The following RPH3AL variants were observed in gnomAD, a reference collection of about 807,000 sequenced individuals.
RPH3AL encodes rab effector Noc2.
A neutral mutation model predicts 43.1 loss-of-function variants in RPH3AL; 38 were observed. That is an observed-to-expected ratio of 0.88 (90% CI 0.68 to 1.15). RPH3AL has a LOEUF of 1.15. Ranked by LOEUF, RPH3AL falls within the 50% of genes most tolerant of loss-of-function variation. RPH3AL has a pLI of 0.00. For synonymous variants in RPH3AL, 189 were observed against 176.3 expected, an observed-to-expected ratio of 1.07 and a Z score of -0.57; for missense variants, 462 against 423.2, an observed-to-expected ratio of 1.09 and a Z score of -0.81.
At chr17:319,362 G>C (rs779012576) in intron 5 of RPH3AL, 58 bp downstream of exon 5, 70 of 1,581,874 alleles carry the variant, frequency 4.4e-5, no homozygotes, top group Non-Finnish European at 5.7e-5. Flanking sequence ...AAGCCACAGC[G>C]CAGCGGGGCT....
intron 8 of RPH3AL, among the ~76,000 whole-genome samples, chr17:219,150 A>G (rs1037069220): frequency 6.6e-6 from 1 of 150,402 alleles, no homozygotes; most frequent in Non-Finnish European, 1.5e-5. Context: ...ACTGGGAAGC[A>G]GCAAAACCAC....
At chr17:291,005 C>T (rs530564382) in intron 5 of RPH3AL, among the ~76,000 whole-genome samples, 16 of 152,226 alleles carry the variant, frequency 1.1e-4, no homozygotes, top group Non-Finnish European at 2.1e-4. Flanking sequence ...TGTTCATGAG[C>T]CTCACTCGAC....
At chr17:320,314 A>G (rs1259891162) in intron 4 of RPH3AL, among the ~76,000 whole-genome samples, 1 of 151,956 alleles carries the variant, frequency 6.6e-6, no homozygotes, top group African/African-American at 2.4e-5. Context: ...CTGAAGAATG[A>G]GCCATGCCAT....
At chr17:222,413 C>T (rs1372547897) in intron 7 of RPH3AL, among the ~76,000 whole-genome samples, 1 of 152,216 alleles carries the variant, frequency 6.6e-6, no homozygotes. Context: ...CAGTAACGCA[C>T]AGTGCAGTCT....
In RPH3AL at chr17:322,324, C is replaced by T. The variant is rs1351970554; in HGVS notation, c.78-909G>A. The T allele has an allele frequency of 6.6e-6, 1 of 152,290 alleles. No homozygotes were observed. The highest frequency in any genetic ancestry group is 1.5e-5 in the Non-Finnish European group (1 of 68,130). The allele number at this position is 152,290 out of a possible 1,614,324, so 9.4% of individuals were successfully genotyped here. On this transcript the variant is annotated intron_variant, in intron 3 of 9. Transcript: ENST00000331302. The surrounding 1 kb of genome is among the most constrained non-coding windows in gnomAD (Gnocchi z 4.0). ...CTGCCCTGGGTGGGTGCCAGCTTCC[C>T]TGAGACATTCCGTGCCTGTGACATT...
Position 283,581 on chromosome 17 carries a change from C to T in RPH3AL, c.352-1727G>A, listed in dbSNP as rs1400972329. ...GTCCTAGGCTTGGGGTGTTTGATGG[C>T]CCAGATCTGCAGAGGGTCCCCTGAG... On this transcript the variant is annotated intron_variant, in intron 5 of 9. Transcript: ENST00000331302. The surrounding 1 kb of genome is among the most constrained non-coding windows in gnomAD (Gnocchi z 4.2). 1.3e-5 allele frequency among the ~76,000 whole-genome samples: 2 copies of T among 152,120 alleles called. No individual in the cohort carries two copies. Among genetic ancestry groups the T allele is most frequent in the Non-Finnish European group, 2.9e-5 (2 of 68,018 alleles).
chr17:222,062 A>T (rs144222848), intron 7 of RPH3AL, among the ~76,000 whole-genome samples: 8,061 of 151,900 alleles, frequency 0.053, 289 homozygotes, highest in Middle Eastern at 0.089. Flanking sequence ...CTGAGACAAT[A>T]GGCCCAAGAA....
intron 5 of RPH3AL, among the ~76,000 whole-genome samples, chr17:306,207 C>T (rs971017450): frequency 6.6e-6 from 1 of 151,872 alleles, no homozygotes; most frequent in African/African-American, 2.4e-5. Context: ...GCCTGGACTA[C>T]CTGGAACACA....
chr17:288,943 G>A (rs1172661526), intron 5 of RPH3AL, among the ~76,000 whole-genome samples: 1 of 146,884 alleles, frequency 6.8e-6, no homozygotes, highest in Non-Finnish European at 1.5e-5. Context: ...GTCAGACCTC[G>A]CACCCTCTCT....
At chr17:341,484 C>T (rs910289025) in intron 1 of RPH3AL, 1 of 152,198 alleles carries the variant, frequency 6.6e-6, no homozygotes, top group African/African-American at 2.4e-5. Flanking sequence ...CCTGACATCA[C>T]ACCATTGCAA....
Position 322,775 on chromosome 17 carries a change from C to T in RPH3AL, c.78-1360G>A, listed in dbSNP as rs535453663. Among the ~76,000 whole-genome samples the T allele has an allele frequency of 3.3e-5, 5 of 152,134 alleles. No individual in the cohort carries two copies. The highest frequency in any genetic ancestry group is 2.1e-4 in the South Asian group (1 of 4,794). ...GCCTGGTCCCGGCTGTTGCAGCTAA[C>T]GGTTCTCTGTGGCCGACACAATAGG... On this transcript the variant is annotated intron_variant, in intron 3 of 9. Transcript: ENST00000331302. The surrounding 1 kb of genome is among the most constrained non-coding windows in gnomAD (Gnocchi z 4.0).
At chr17:232,315 G>A (rs988521095) in intron 7 of RPH3AL, among the ~76,000 whole-genome samples, 4 of 152,192 alleles carry the variant, frequency 2.6e-5, no homozygotes, top group African/African-American at 7.2e-5. Context: ...GGGATGACAC[G>A]AAATAACGGA....
At position 264,556 on chromosome 17, in the gene RPH3AL, C is replaced by T. The variant is rs1007913874; in HGVS notation, c.438+17212G>A. On this transcript the variant is annotated intron_variant, in intron 6 of 9. Coordinates refer to ENST00000331302, the MANE Select transcript of RPH3AL (RefSeq NM_006987.4). The surrounding 1 kb of genome is among the most constrained non-coding windows in gnomAD (Gnocchi z 4.8). ...GCGCGCTGGATGGGGACTCAGAATC[C>T]GCACCGTGTGTGTGACCACTGCATG... 8.6e-5 allele frequency among the ~76,000 whole-genome samples: 13 copies of T among 151,984 alleles called. No homozygotes were observed. Among genetic ancestry groups the T allele is most frequent in the African/African-American group, 1.2e-4 (5 of 41,286 alleles).
chr17:266,645 G>A (rs1400045743), intron 6 of RPH3AL, among the ~76,000 whole-genome samples: 2 of 151,818 alleles, frequency 1.3e-5, no homozygotes, highest in Non-Finnish European at 2.9e-5. Context: ...TTCCAAGTGG[G>A]TTTTTGAGCA....
chr17:322,103 C>T lies in RPH3AL; in HGVS notation c.78-688G>A, dbSNP rs1466681102. On this transcript the variant is annotated intron_variant, in intron 3 of 9. Coordinates refer to ENST00000331302, the MANE Select transcript of RPH3AL (RefSeq NM_006987.4). This position sits in a 1 kb window ranked among gnomAD's most constrained non-coding sequence, Gnocchi z 4.0. ...GGGAAGCGAGTTACAGAAGAGGAGC[C>T]GTGGTGAGGGCAGGTGAGGGCGGGC... 2.6e-5 allele frequency among the ~76,000 whole-genome samples: 4 copies of T among 152,010 alleles called. No homozygotes were observed. Among genetic ancestry groups the T allele is most frequent in the Non-Finnish European group, 5.9e-5 (4 of 68,004 alleles).
intron 7 of RPH3AL, among the ~76,000 whole-genome samples, chr17:228,235 C>A (rs1255886107): frequency 6.6e-6 from 1 of 152,164 alleles, no homozygotes; most frequent in African/African-American, 2.4e-5. Flanking sequence ...GTAAAGACAT[C>A]ATCTCCCTAT....
intron 1 of RPH3AL, among the ~76,000 whole-genome samples, chr17:343,248 G>A (rs546167231): frequency 1.3e-5 from 2 of 152,284 alleles, no homozygotes; most frequent in African/African-American, 4.8e-5. Context: ...CTTCCCTATC[G>A]TGGCACAGGA....
Position 240,639 on chromosome 17 carries a change from G to A in RPH3AL, c.613+6472C>T, listed in dbSNP as rs547489726. On this transcript the variant is annotated intron_variant, in intron 7 of 9. Coordinates refer to ENST00000331302, the MANE Select transcript of RPH3AL (RefSeq NM_006987.4). ...GCGTGGATCAGCACTTTCTTCCTAT[G>A]ACTGAATAACGTTCCACTGTGTGAT... 4.6e-5 allele frequency among the ~76,000 whole-genome samples: 7 copies of A among 152,296 alleles called. 1 individual carries two copies. Among genetic ancestry groups the A allele is most frequent in the Non-Finnish European group, 4.4e-5 (3 of 68,032 alleles).
intron 6 of RPH3AL, among the ~76,000 whole-genome samples, chr17:248,330 C>A (rs2041813223): frequency 6.6e-6 from 1 of 152,208 alleles, no homozygotes; most frequent in Non-Finnish European, 1.5e-5. Flanking sequence ...CAGCCACTGG[C>A]TTTCCACCCT....
Sources: allele counts gnomAD v4.1 joint callset (sites outside exome capture counted in the v4.1 genomes callset), GRCh38; gene constraint gnomAD v4.1.1; non-coding constraint Gnocchi (gnomAD v3.1); transcripts MANE v1.5; gene names NCBI Gene and HGNC (gene_info 2026-07-23, HGNC 2026-07-21).